The following MRM2 variants were observed in gnomAD, a reference collection of about 807,000 sequenced individuals.
The protein encoded by MRM2 is rRNA methyltransferase 2, mitochondrial.
In MRM2, 15 loss-of-function variants were observed where a neutral mutation model predicts 10.9. The observed-to-expected ratio is 1.37, with a 90% CI of 0.92 to 2.11. The LOEUF (loss-of-function observed/expected upper bound fraction) is 2.11, where lower values mean the gene tolerates loss of function less well. Ranked by LOEUF, MRM2 falls within the 30% of genes most tolerant of loss-of-function variation. The pLI is 0.00. For missense variants in MRM2, 328 were observed against 321.3 expected, an observed-to-expected ratio of 1.02 and a Z score of -0.16; for synonymous variants, 139 against 128.7, an observed-to-expected ratio of 1.08 and a Z score of -0.54.
At chr7:2,238,233 G>T (rs1016043442) in intron 2 of MRM2, 3 of 152,212 alleles carry the variant, frequency 2.0e-5, no homozygotes, top group Admixed American at 2.0e-4. Flanking sequence ...TTTACAGCAG[G>T]AAACATAAAT....
rs370182045 is a variant in MRM2 at position 2,234,785 on chromosome 7, C to T, written c.*337G>A. 1 of 331,192 alleles carries T rather than the reference C, an allele frequency of 3.0e-6. No individual in the cohort carries two copies. The highest frequency in any genetic ancestry group is 2.1e-5 in the African/African-American group (1 of 47,154). The allele number at this position is 331,192 out of a possible 1,614,324, so 20.5% of individuals were successfully genotyped here. A position where few individuals can be genotyped will look rare whatever the true frequency, so the allele number is the denominator to read the frequency against. On this transcript the variant is annotated 3_prime_UTR_variant, in exon 3 of 3. Transcript: ENST00000242257. ...TATAAGATGAAGTCCCGTCAAGGCA[C>T]ACATGGGCACACCCATCCCTGCCTC...
In MRM2 at chr7:2,239,560, G is replaced by T. The variant is rs1187651088; in HGVS notation, c.156C>A (p.Tyr52Ter). The change falls in exon 2 of 3, where the codon TAC (tyrosine) becomes TAA (stop). Residue 52 changes from tyrosine to a stop codon, truncating the protein, a stop_gained. Coordinates refer to ENST00000242257, the MANE Select transcript of MRM2 (RefSeq NM_013393.3). LOFTEE classifies it high-confidence loss of function. Reference protein sequence around the residue: ...PFVKAAKVESYRCRSAFKLLE... With the variant: ...PFVKAAKVES ...GGAGCTTGAAGGCGCTTCGACACCG[G>T]TAACTCTCCACCTTCGCAGCCTTCA... The T allele has an allele frequency of 3.7e-6, 6 of 1,614,036 alleles. No individual in the cohort carries two copies. Among genetic ancestry groups the T allele is most frequent in the Non-Finnish European group, 5.1e-6 (6 of 1,180,008 alleles).
chr7:2,238,978 TATATATATATATATA>T (rs1794467675), intron 2 of MRM2: 1 of 8,868 alleles, frequency 1.1e-4, no homozygotes, highest in African/African-American at 4.9e-4. Context: ...CAATAATAAT[TATATATATATATATA>T]TATATATATA....
chr7:2,239,773 G>A (rs1794488999), intron 1 of MRM2, 66 bp from the exon 2 acceptor site: 2 of 1,438,474 alleles, frequency 1.4e-6, no homozygotes, highest in Admixed American at 1.8e-5. Flanking sequence ...GAGCTGGGAG[G>A]GCCCTCGGAT....
rs768723561 is a variant in MRM2 at position 2,235,420 on chromosome 7, G to C, written c.443C>G (p.Ala148Gly). 3.7e-6 allele frequency: 6 copies of C among 1,613,918 alleles called. No individual in the cohort carries two copies. The Admixed American group carries it at 6.7e-5, about 18-fold the overall frequency. ...RILEVLPGRR[A>G]DVILSDMAPN... ...CGCCATGTCGCTCAGAATCACATCT[G>C]CTCTCCTGCCAGGAAGCACCTCGAG... The change falls in exon 3 of 3, where the codon GCA becomes GGA. Residue 148 changes from alanine to glycine, a missense_variant. Transcript: ENST00000242257.
chr7:2,239,359 C>T, intron 2 of MRM2, 59 bp downstream of exon 2: 1 of 1,534,444 alleles, frequency 6.5e-7, no homozygotes, highest in Non-Finnish European at 8.9e-7. Flanking sequence ...AGGCAGCTTG[C>T]CCATGCCCAC....
chr7:2,238,641 A>G (rs1794460432), intron 2 of MRM2: 1 of 152,152 alleles, frequency 6.6e-6, no homozygotes, highest in Non-Finnish European at 1.5e-5. Flanking sequence ...ATGTCAATAC[A>G]TCATTAAGAG....
At chr7:2,239,937 G>T (rs1261546035) in intron 1 of MRM2, among the ~76,000 whole-genome samples, 3 of 152,184 alleles carry the variant, frequency 2.0e-5, no homozygotes, top group Non-Finnish European at 2.9e-5. Context: ...CAGAATATGG[G>T]GGTATTCGGA....
intron 1 of MRM2, among the ~76,000 whole-genome samples, chr7:2,240,794 A>G (rs1485022213): frequency 1.3e-5 from 2 of 151,762 alleles, no homozygotes; most frequent in African/African-American, 4.8e-5. Flanking sequence ...TCCCGGGTTC[A>G]AGCAATTCTC....
intron 1 of MRM2, among the ~76,000 whole-genome samples, chr7:2,241,464 T>A (rs1311098524): frequency 6.6e-5 from 10 of 151,098 alleles, no homozygotes; most frequent in African/African-American, 2.2e-4. Flanking sequence ...TTTTTTTTTT[T>A]AATTCTTAAA....
Position 2,234,926 on chromosome 7 carries a change from C to T in MRM2, c.*196G>A. On this transcript the variant is annotated 3_prime_UTR_variant, in exon 3 of 3. Transcript: ENST00000242257. Reference sequence around the variant, plus strand: ...ACAATATAGCGGACTTTTTCATTTTCCATGGCCCCTGAACTTAGTTTTGTC... The same window carrying T: ...ACAATATAGCGGACTTTTTCATTTTTCATGGCCCCTGAACTTAGTTTTGTC... The T allele has an allele frequency of 1.7e-6, 1 of 583,038 alleles. No homozygotes were observed. Among genetic ancestry groups the T allele is most frequent in the East Asian group, 2.8e-5 (1 of 35,336 alleles). 36.1% of individuals were successfully genotyped at this position (583,038 alleles called of 1,614,324 possible).
In MRM2 at chr7:2,235,515, T is replaced by G. The variant is rs1270292470; in HGVS notation, c.348A>C (p.Ile116=). The stretch of plus-strand genomic sequence containing the variant: ...GAAAAGTTGCTCCTTCCAGGGGGAA[T>G]ATGTGAAGAAGATCTACCCCAAGCA... The part of the protein sequence containing the change: ...GFVLGVDLLH[I]FPLEGATFLC... Residue 116 remains isoleucine (I), a synonymous_variant, in exon 3 of 3, where the codon ATA becomes ATC. Coordinates refer to ENST00000242257, the MANE Select transcript of MRM2 (RefSeq NM_013393.3). The G allele has an allele frequency of 1.9e-6, 3 of 1,613,298 alleles. No individual in the cohort carries two copies.
chr7:2,239,019 ATATAT>A (rs1562401740), intron 2 of MRM2: 279 of 21,344 alleles, frequency 0.013, 9 homozygotes, highest in South Asian at 0.057. Context: ...ATATATATAT[ATATAT>A]ATATAATACA....
At chr7:2,240,241 CAATT>C in intron 1 of MRM2, 2 of 454,838 alleles carry the variant, frequency 4.4e-6, no homozygotes, top group Non-Finnish European at 8.8e-6. Context: ...CTAAATACAT[CAATT>C]AATTAATTAA....
chr7:2,236,234 G>C (rs1794417340), intron 2 of MRM2, among the ~76,000 whole-genome samples: 1 of 151,680 alleles, frequency 6.6e-6, no homozygotes, highest in Non-Finnish European at 1.5e-5. Flanking sequence ...GATCTCAAAA[G>C]AAAAAGAAAA....
At chr7:2,241,591 C>G (rs1453815978) in intron 1 of MRM2, among the ~76,000 whole-genome samples, 5 of 152,188 alleles carry the variant, frequency 3.3e-5, no homozygotes, top group African/African-American at 1.2e-4. Context: ...TGTGGGCCAC[C>G]AAGCCCGGTC....
At chr7:2,240,404 TTTC>T (rs1794500351) in intron 1 of MRM2, 5 of 332,838 alleles carry the variant, frequency 1.5e-5, no homozygotes, top group Non-Finnish European at 2.4e-5. Flanking sequence ...CATTTCTTTT[TTTC>T]TTCTTTTTTT....
chr7:2,235,067 A>T lies in MRM2; in HGVS notation c.*55T>A. 1.5e-6 allele frequency: 2 copies of T among 1,363,324 alleles called. No homozygotes were observed. The highest frequency in any genetic ancestry group is 2.1e-6 in the Non-Finnish European group (2 of 968,506). 84.5% of individuals were successfully genotyped at this position (1,363,324 alleles called of 1,614,324 possible). A position where few individuals can be genotyped will look rare whatever the true frequency, so the allele number is the denominator to read the frequency against. ...CAGGAACTCTTCAGGAGCTCAGGCT[A>T]CGTTTCTAGCTTAAAAGGAGCTAAT... is the stretch of plus-strand genomic sequence containing the variant. On this transcript the variant is annotated 3_prime_UTR_variant, in exon 3 of 3. Coordinates refer to ENST00000242257, the MANE Select transcript of MRM2 (RefSeq NM_013393.3).
chr7:2,238,597 C>G (rs1008311070), intron 2 of MRM2: 1 of 152,126 alleles, frequency 6.6e-6, no homozygotes, highest in East Asian at 1.9e-4. Context: ...AGGGCTTATG[C>G]GACTTGGAAA....
Sources: allele counts gnomAD v4.1 joint callset (sites outside exome capture counted in the v4.1 genomes callset), GRCh38; gene constraint gnomAD v4.1.1; transcripts MANE v1.5; gene names NCBI Gene and HGNC (gene_info 2026-07-23, HGNC 2026-07-21).